Variants in ARHGAP24 observed in about 807,000 individuals in gnomAD.
The protein encoded by ARHGAP24 is rho GTPase-activating protein 24.
In ARHGAP24, 50 loss-of-function variants were observed where a neutral mutation model predicts 76.4. That is an observed-to-expected ratio of 0.65 (90% confidence interval 0.52 to 0.83). The LOEUF (loss-of-function observed/expected upper bound fraction) is 0.83. Among genes scored for constraint, ARHGAP24 ranks in the 40% least tolerant of loss-of-function variants. The pLI, the probability that ARHGAP24 is intolerant of heterozygous loss-of-function variation, is 0.00. For missense variants in ARHGAP24, 930 were observed against 914.2 expected (o/e 1.02, Z -0.22); for synonymous variants, 345 against 323.3 (o/e 1.07, Z -0.72).
At chr4:85,901,498 A>G (rs1235819005) in intron 3 of ARHGAP24, among the ~76,000 whole-genome samples, 1 of 152,202 alleles carries the variant, frequency 6.6e-6, no homozygotes, top group Non-Finnish European at 1.5e-5. Flanking sequence ...AGAATTTTAC[A>G]TGATATTTTA....
intron 2 of ARHGAP24, among the ~76,000 whole-genome samples, chr4:85,627,145 C>T (rs911371885): frequency 6.6e-6 from 1 of 152,082 alleles, no homozygotes; most frequent in Non-Finnish European, 1.5e-5. Context: ...GGAGGAGAGG[C>T]CTTCTGATTT....
intron 3 of ARHGAP24, among the ~76,000 whole-genome samples, chr4:85,726,690 A>G (rs1725180747): frequency 6.6e-6 from 1 of 152,172 alleles, no homozygotes; most frequent in Non-Finnish European, 1.5e-5. Flanking sequence ...GTACTACAGT[A>G]TCCGTTATAA....
At chr4:85,842,863 C>G (rs904789248) in intron 3 of ARHGAP24, among the ~76,000 whole-genome samples, 1 of 152,190 alleles carries the variant, frequency 6.6e-6, no homozygotes, top group African/African-American at 2.4e-5. Flanking sequence ...ATTTGATCCT[C>G]CCACTTTGAT....
At chr4:85,729,222 G>A (rs189862702) in intron 3 of ARHGAP24, among the ~76,000 whole-genome samples, 1 of 152,022 alleles carries the variant, frequency 6.6e-6, no homozygotes, top group East Asian at 1.9e-4. Flanking sequence ...AATGTGAGTA[G>A]GAGTTGCTTA....
chr4:85,984,661 T>C (rs1047032158), intron 8 of ARHGAP24, among the ~76,000 whole-genome samples: 7 of 152,178 alleles, frequency 4.6e-5, no homozygotes, highest in Non-Finnish European at 7.4e-5. Flanking sequence ...AGGTCAATGA[T>C]GTCGGGGCAT....
At chr4:85,699,811 G>A (rs903821895) in intron 2 of ARHGAP24, among the ~76,000 whole-genome samples, 14 of 152,004 alleles carry the variant, frequency 9.2e-5, no homozygotes, top group African/African-American at 3.1e-4. Flanking sequence ...TTAAGTATAC[G>A]ATCCACTAGG....
intron 1 of ARHGAP24, among the ~76,000 whole-genome samples, chr4:85,495,941 T>C (rs1560508693): frequency 6.6e-6 from 1 of 152,216 alleles, no homozygotes; most frequent in Non-Finnish European, 1.5e-5. Context: ...AATTTGTTTG[T>C]GTCTCATTTT....
At chr4:85,839,705 T>C (rs1458980021) in intron 3 of ARHGAP24, among the ~76,000 whole-genome samples, 2 of 152,134 alleles carry the variant, frequency 1.3e-5, no homozygotes, top group African/African-American at 2.4e-5. Flanking sequence ...CGCCTCAGCC[T>C]CCCAAAGTGC....
chr4:85,725,785 G>A (rs1360810089), intron 3 of ARHGAP24, among the ~76,000 whole-genome samples: 1 of 152,202 alleles, frequency 6.6e-6, no homozygotes, highest in African/African-American at 2.4e-5. Context: ...TCAGCAACTA[G>A]GAAACTCATG....
At chr4:85,698,397 G>A (rs1350854190) in intron 2 of ARHGAP24, among the ~76,000 whole-genome samples, 1 of 152,188 alleles carries the variant, frequency 6.6e-6, no homozygotes, top group East Asian at 1.9e-4. Context: ...AAATTCTTCA[G>A]AGAGATCATT....
At chr4:85,986,651 G>A (rs1298633948) in intron 8 of ARHGAP24, among the ~76,000 whole-genome samples, 1 of 152,126 alleles carries the variant, frequency 6.6e-6, no homozygotes, top group African/African-American at 2.4e-5. Flanking sequence ...GAGAGAACTA[G>A]ACATAGAGCG....
chr4:85,995,043 T>C lies in ARHGAP24; in HGVS notation c.1389T>C (p.Ser463=). ...PNGSLQARRS[S]SLKVSGTKMG... The stretch of plus-strand genomic sequence containing the variant: ...GGAGCCTACAGGCCAGAAGGAGCTC[T>C]TCACTGAAGGTATCTGGTACCAAAA... The change falls in exon 9 of 10, where the codon TCT becomes TCC. Residue 463 remains serine (S), a synonymous_variant. Transcript: ENST00000395184. The C allele has an allele frequency of 3.1e-6, 5 of 1,614,006 alleles. No homozygotes were observed. The highest frequency in any genetic ancestry group is 2.5e-6 in the Non-Finnish European group (3 of 1,179,988).
intron 1 of ARHGAP24, among the ~76,000 whole-genome samples, chr4:85,541,467 A>T (rs1725700482): frequency 6.6e-6 from 1 of 152,112 alleles, no homozygotes; most frequent in Non-Finnish European, 1.5e-5. Flanking sequence ...CATGACCTTT[A>T]ATAACTTGCT....
intron 1 of ARHGAP24, among the ~76,000 whole-genome samples, chr4:85,485,346 T>A (rs1176675299): frequency 1.6e-4 from 1 of 6,142 alleles, no homozygotes; most frequent in African/African-American, 4.9e-4. Context: ...AGACTCCATC[T>A]CAAAAAAAAA....
chr4:85,710,049 C>A (rs1274932870), intron 2 of ARHGAP24, among the ~76,000 whole-genome samples: 1 of 151,966 alleles, frequency 6.6e-6, no homozygotes, highest in Non-Finnish European at 1.5e-5. Context: ...AAAAAGAGCC[C>A]AAATAGCCAA....
At chr4:85,564,379 AC>A (rs1374887536) in intron 1 of ARHGAP24, among the ~76,000 whole-genome samples, 1 of 130,882 alleles carries the variant, frequency 7.6e-6, no homozygotes, top group Admixed American at 7.8e-5. Context: ...AACATCACAC[AC>A]CGGGGCCTGT....
intron 3 of ARHGAP24, among the ~76,000 whole-genome samples, chr4:85,847,887 C>G (rs1022350341): frequency 6.6e-6 from 1 of 152,136 alleles, no homozygotes; most frequent in Non-Finnish European, 1.5e-5. Flanking sequence ...GAGCATTGTT[C>G]ATCTCATCCA....
intron 2 of ARHGAP24, among the ~76,000 whole-genome samples, chr4:85,624,992 T>C (rs1720886288): frequency 1.3e-5 from 2 of 152,326 alleles, no homozygotes; most frequent in South Asian, 4.1e-4. Flanking sequence ...GCTAGCAGTC[T>C]ATCAATTTTG....
intron 1 of ARHGAP24, among the ~76,000 whole-genome samples, chr4:85,519,155 T>C (rs1463180501): frequency 2.0e-5 from 3 of 152,082 alleles, no homozygotes; most frequent in African/African-American, 7.2e-5. Context: ...CAAAAAACAG[T>C]TGATGTTATT....
Sources: gnomAD v4.1 joint callset for allele counts (sites outside exome capture counted in the v4.1 genomes callset) on GRCh38, gnomAD v4.1.1 for gene constraint, MANE v1.5 for transcripts, NCBI Gene and HGNC (gene_info 2026-07-23, HGNC 2026-07-21) for gene names.